Variants in NR1D2 observed in about 807,000 individuals in gnomAD.
NR1D2 encodes nuclear receptor subfamily 1 group D member 2, also known as V-erbA-related protein 1-related.
In NR1D2, 25 loss-of-function variants were observed where a neutral mutation model predicts 52.2. The observed-to-expected ratio is 0.48, with a 90% CI of 0.35 to 0.67. The LOEUF (loss-of-function observed/expected upper bound fraction) is 0.67. Ranked by LOEUF, NR1D2 falls within the 30% of genes least tolerant of loss-of-function variation. The pLI is 0.01. For missense variants in NR1D2, 681 were observed against 707.2 expected, an observed-to-expected ratio of 0.96 and a Z score of 0.42; for synonymous variants, 259 against 230.1, an observed-to-expected ratio of 1.13 and a Z score of -1.14.
intron 2 of NR1D2, 33 bp from the exon 3 acceptor site, chr3:23,956,004 C>T (rs766352070): frequency 5.4e-6 from 8 of 1,493,748 alleles, no homozygotes; most frequent in African/African-American, 4.1e-5. Context: ...GTGTTTCCTC[C>T]TACTTTTTAC....
At chr3:23,967,651 T>C (rs914008220) in intron 6 of NR1D2, among the ~76,000 whole-genome samples, 162 bp from the exon 7 acceptor site, 3 of 152,104 alleles carry the variant, frequency 2.0e-5, no homozygotes, top group Admixed American at 2.0e-4. Context: ...GAATATAGAA[T>C]AGAATAGAAT....
At chr3:23,955,910 C>A in intron 2 of NR1D2, 127 bp from the exon 3 acceptor site, 2 of 594,950 alleles carry the variant, frequency 3.4e-6, no homozygotes, top group Non-Finnish European at 6.1e-6. Flanking sequence ...TTTTCTTTTA[C>A]ATTATGAAAG....
At chr3:23,954,482 T>TA (rs1476370125) in intron 1 of NR1D2, 55 bp from the exon 2 acceptor site, 7 of 1,492,110 alleles carry the variant, frequency 4.7e-6, no homozygotes, top group African/African-American at 4.2e-5. Flanking sequence ...TTTGCAAAAA[T>TA]AAAAAATACG....
Position 23,978,288 on chromosome 3 carries a change from G to T in NR1D2, c.*869G>T, listed in dbSNP as rs1399957893. The T allele has an allele frequency of 2.0e-5, 3 of 152,094 alleles. No homozygotes were observed. The highest frequency in any genetic ancestry group is 4.4e-5 in the Non-Finnish European group (3 of 68,002). The allele number at this position is 152,094 out of a possible 1,614,324, so 9.4% of individuals were successfully genotyped here. ...TCTTCACAATATTTTAAACTGTGAA[G>T]AACTTTATCATACAGGAAACTTAAA... is the stretch of plus-strand genomic sequence containing the variant. On this transcript the variant is annotated 3_prime_UTR_variant, in exon 8 of 8. Transcript: ENST00000312521.
At chr3:23,951,717 T>G (rs888552897) in intron 1 of NR1D2, among the ~76,000 whole-genome samples, 1 of 152,234 alleles carries the variant, frequency 6.6e-6, no homozygotes, top group Non-Finnish European at 1.5e-5. Context: ...ATTGTAGCCA[T>G]TTTGAAACTT....
At chr3:23,961,389 C>CTTTTTTTTTTTTTTTTTTTTTTTT (rs869108010) in intron 4 of NR1D2, among the ~76,000 whole-genome samples, 41 of 75,950 alleles carry the variant, frequency 5.4e-4, no homozygotes, top group Non-Finnish European at 6.3e-4. Flanking sequence ...CTTTTTCTTT[C>CTTTTTTTTTTTTTTTTTTTTTTTT]TTTTTTTTTT....
At chr3:23,961,389 CTTTTTT>C (rs869108010) in intron 4 of NR1D2, among the ~76,000 whole-genome samples, 42 of 75,990 alleles carry the variant, frequency 5.5e-4, no homozygotes, top group African/African-American at 2.0e-3. Context: ...CTTTTTCTTT[CTTTTTT>C]TTTTTTTTTT....
intron 1 of NR1D2, among the ~76,000 whole-genome samples, chr3:23,947,654 A>G (rs1287518320): frequency 6.6e-6 from 1 of 152,210 alleles, no homozygotes; most frequent in East Asian, 1.9e-4. Flanking sequence ...ATGAAGTTAG[A>G]TTTCATTCAT....
intron 1 of NR1D2, among the ~76,000 whole-genome samples, chr3:23,947,483 C>T (rs1337863011): frequency 6.6e-6 from 1 of 152,228 alleles, no homozygotes. Context: ...AGTGAACAGG[C>T]TCTTGTGGAA....
intron 3 of NR1D2, among the ~76,000 whole-genome samples, chr3:23,958,193 C>G (rs931465531): frequency 1.3e-5 from 2 of 152,186 alleles, no homozygotes; most frequent in East Asian, 3.8e-4. Flanking sequence ...TAACACTTAC[C>G]TGTTGCTGGC....
intron 1 of NR1D2, 135 bp downstream of exon 1, chr3:23,945,729 G>C (rs1038280032): frequency 3.4e-6 from 2 of 596,668 alleles, no homozygotes; most frequent in African/African-American, 4.0e-5. Flanking sequence ...CCGCGTGTCC[G>C]CCTCTGGCTC....
chr3:23,963,919 GTT>G lies in NR1D2; in HGVS notation c.1147-1043_1147-1042del, dbSNP rs10707974. 5.8e-3 allele frequency among the ~76,000 whole-genome samples: 813 copies of G among 140,030 alleles called. 12 individuals are homozygous for G. Among genetic ancestry groups the G allele is most frequent in the South Asian group, 0.049 (221 of 4,512 alleles). The allele number at this position is 140,030 out of a possible 152,430, so 91.9% of individuals were successfully genotyped here. A position where few individuals can be genotyped will look rare whatever the true frequency, so the allele number is the denominator to read the frequency against. On this transcript the variant is annotated intron_variant, in intron 5 of 7. Transcript: ENST00000312521. ...AGGTGTGTTTCATCATCTTTTTGGT[GTT>G]TTTTTTTTTTTTTTAATAACTTCTT...
In NR1D2 at chr3:23,969,007, G is replaced by GGC. The variant is rs1706521061; in HGVS notation, c.1543+987_1543+988dup. On this transcript the variant is annotated intron_variant, in intron 7 of 7. Coordinates refer to ENST00000312521, the MANE Select transcript of NR1D2 (RefSeq NM_005126.5). ...TTGAAAGAGAACAAGTTCTTGGCCA[G>GGC]GCGCCAGGGGTGCACGCCTGTAATC... 2.0e-5 allele frequency among the ~76,000 whole-genome samples: 3 copies of GGC among 152,300 alleles called. 1 individual carries two copies. Among genetic ancestry groups the GGC allele is most frequent in the Admixed American group, 2.0e-4 (3 of 15,298 alleles).
At chr3:23,966,692 C>T (rs1706458437) in intron 6 of NR1D2, among the ~76,000 whole-genome samples, 1 of 152,096 alleles carries the variant, frequency 6.6e-6, no homozygotes, top group South Asian at 2.1e-4. Context: ...TTTTGATGTT[C>T]TTCTTGGAGT....
chr3:23,977,142 T>C (rs1706749995), intron 7 of NR1D2, 81 bp from the exon 8 acceptor site: 7 of 815,428 alleles, frequency 8.6e-6, no homozygotes, highest in Admixed American at 3.6e-5. Flanking sequence ...TTAGTGACAC[T>C]GATAAGCAAG....
chr3:23,958,642 TAA>T (rs35959367), intron 3 of NR1D2, among the ~76,000 whole-genome samples: 105 of 98,082 alleles, frequency 1.1e-3, no homozygotes, highest in Admixed American at 2.0e-3. Flanking sequence ...CCTGTCTCTT[TAA>T]AAAAAAAAAA....
In NR1D2 at chr3:23,973,883, A is replaced by C. The variant is rs886758833; in HGVS notation, c.1544-3340A>C. On this transcript the variant is annotated intron_variant, in intron 7 of 7. Transcript: ENST00000312521. ...ACTTTATTGTTAAAAACTGTGACAG[A>C]CACATACATTAGCTTAGGCCTACAC... Among the ~76,000 whole-genome samples the C allele has an allele frequency of 2.0e-5, 3 of 151,982 alleles. 1 individual carries two copies. Among genetic ancestry groups the C allele is most frequent in the Non-Finnish European group, 4.4e-5 (3 of 68,018 alleles).
At chr3:23,946,180 C>A (rs1223028669) in intron 1 of NR1D2, 103 of 985,170 alleles carry the variant, frequency 1.0e-4, no homozygotes, top group Non-Finnish European at 1.2e-4. Flanking sequence ...GCCCGCTGAG[C>A]CCCCGCGGCG....
In NR1D2 at chr3:23,971,007, C is replaced by T. The variant is rs1706574564; in HGVS notation, c.1543+2984C>T. ...TGTTGGTCAGGCTAGTCTCGAACTC[C>T]CAACCTCAGGTGATCCGCCCGCCTC... On this transcript the variant is annotated intron_variant, in intron 7 of 7. Transcript: ENST00000312521. Among the ~76,000 whole-genome samples, 4 of 152,142 alleles carry T rather than the reference C, an allele frequency of 2.6e-5. No homozygotes were observed. The South Asian group carries it at 8.3e-4, about 32-fold the overall frequency.
Sources: gnomAD v4.1 joint callset for allele counts (sites outside exome capture counted in the v4.1 genomes callset) on GRCh38, gnomAD v4.1.1 for gene constraint, MANE v1.5 for transcripts, NCBI Gene and HGNC (gene_info 2026-07-23, HGNC 2026-07-21) for gene names.